The following CFAP95 variants were observed in gnomAD, a reference collection of about 807,000 sequenced individuals.
The protein encoded by CFAP95 is cilia- and flagella-associated protein 95.
the CFAP95 span, among the ~76,000 whole-genome samples, chr9:69,880,988 C>G: frequency 6.6e-6 from 1 of 152,056 alleles, no homozygotes; most frequent in East Asian, 1.9e-4. Context: ...AAATCTTTGG[C>G]CCATTTTTTG....
chr9:69,881,990 CTT>C, the CFAP95 span, among the ~76,000 whole-genome samples: 480 of 143,896 alleles, frequency 3.3e-3, 5 homozygotes, highest in African/African-American at 0.011. Flanking sequence ...ATAGAAATGC[CTT>C]TTTTTTTTTT....
At chr9:69,868,850 G>C in the CFAP95 span, among the ~76,000 whole-genome samples, 1 of 148,920 alleles carries the variant, frequency 6.7e-6, no homozygotes, top group Non-Finnish European at 1.5e-5. Flanking sequence ...ACTTAAATAG[G>C]CATTTTTCCA....
chr9:69,897,945 C>T, the CFAP95 span, among the ~76,000 whole-genome samples: 2 of 152,148 alleles, frequency 1.3e-5, no homozygotes, highest in African/African-American at 4.8e-5. Context: ...AAGAAGAATG[C>T]TTTCTTAACC....
the CFAP95 span, among the ~76,000 whole-genome samples, chr9:69,821,323 T>A: frequency 1.3e-5 from 2 of 151,114 alleles, no homozygotes; most frequent in Admixed American, 1.3e-4. Flanking sequence ...GGAGAGAGGG[T>A]TGGAGCAGAG....
chr9:69,883,128 G>T, the CFAP95 span, among the ~76,000 whole-genome samples: 4 of 152,082 alleles, frequency 2.6e-5, no homozygotes, highest in Non-Finnish European at 5.9e-5. Context: ...CTTGTTATTG[G>T]TGTAAGAGTT....
the CFAP95 span, among the ~76,000 whole-genome samples, chr9:69,901,758 C>G: frequency 6.6e-6 from 1 of 152,134 alleles, no homozygotes; most frequent in Non-Finnish European, 1.5e-5. Context: ...CCTGAGGAAT[C>G]GCCACACTGA....
the CFAP95 span, among the ~76,000 whole-genome samples, chr9:69,861,871 A>G: frequency 2.6e-5 from 4 of 151,586 alleles, no homozygotes; most frequent in Non-Finnish European, 4.4e-5. Context: ...GATGTTATCA[A>G]GTCTCACCTG....
chr9:69,881,373 T>A, the CFAP95 span, among the ~76,000 whole-genome samples: 1 of 152,232 alleles, frequency 6.6e-6, no homozygotes, highest in African/African-American at 2.4e-5. Flanking sequence ...AGTTTCATTT[T>A]CTGCATATGG....
At chr9:69,823,142 G>A in the CFAP95 span, among the ~76,000 whole-genome samples, 1 of 152,196 alleles carries the variant, frequency 6.6e-6, no homozygotes, top group African/African-American at 2.4e-5. Context: ...CATGGTGGAA[G>A]GCAAAGGCAA....
chr9:69,877,109 G>A, the CFAP95 span, among the ~76,000 whole-genome samples: 2 of 151,988 alleles, frequency 1.3e-5, no homozygotes, highest in African/African-American at 4.8e-5. Flanking sequence ...ACATATATAC[G>A]TAATATACAT....
the CFAP95 span, among the ~76,000 whole-genome samples, chr9:69,822,585 C>A: frequency 4.6e-5 from 7 of 152,296 alleles, no homozygotes; most frequent in South Asian, 1.5e-3. Context: ...TGAGTCATAC[C>A]ATAAATCACC....
At chr9:69,851,511 G>A in the CFAP95 span, among the ~76,000 whole-genome samples, 2 of 152,116 alleles carry the variant, frequency 1.3e-5, no homozygotes, top group East Asian at 1.9e-4. Flanking sequence ...GGTAGGCCGA[G>A]TTGGATAATT....
At chr9:69,829,314 C>G in the CFAP95 span, among the ~76,000 whole-genome samples, 1 of 152,142 alleles carries the variant, frequency 6.6e-6, no homozygotes, top group East Asian at 1.9e-4. Flanking sequence ...GTGCTGTTTT[C>G]TTTTATGAAA....
the CFAP95 span, among the ~76,000 whole-genome samples, chr9:69,865,645 C>T: frequency 9.9e-5 from 15 of 152,266 alleles, no homozygotes; most frequent in African/African-American, 2.9e-4. Flanking sequence ...TGTCCTGCTC[C>T]AGTTTGCAAG....
At chr9:69,850,741 A>G in the CFAP95 span, among the ~76,000 whole-genome samples, 1 of 152,196 alleles carries the variant, frequency 6.6e-6, no homozygotes, top group African/African-American at 2.4e-5. Context: ...GTTTGGGGAT[A>G]GTAGGCTGTT....
At chr9:69,843,804 C>A in the CFAP95 span, among the ~76,000 whole-genome samples, 5 of 150,992 alleles carry the variant, frequency 3.3e-5, no homozygotes, top group Non-Finnish European at 7.4e-5. Context: ...CCAAGCCCAA[C>A]TGATTTTTGT....
the CFAP95 span, among the ~76,000 whole-genome samples, chr9:69,890,072 C>A: frequency 6.6e-6 from 1 of 151,964 alleles, no homozygotes; most frequent in Non-Finnish European, 1.5e-5. Context: ...AGAAAAACCA[C>A]AAGGAAAGAA....
the CFAP95 span, among the ~76,000 whole-genome samples, chr9:69,896,653 T>G: frequency 1.3e-5 from 2 of 152,320 alleles, no homozygotes; most frequent in East Asian, 3.9e-4. Flanking sequence ...TCCCACTAGT[T>G]ACATATTTGT....
chr9:69,875,351 T>C, the CFAP95 span, among the ~76,000 whole-genome samples: 1 of 152,228 alleles, frequency 6.6e-6, no homozygotes, highest in South Asian at 2.1e-4. Flanking sequence ...CTGAATGTTT[T>C]AATCTTTCAC....
Sources: gnomAD v4.1 joint callset for allele counts (sites outside exome capture counted in the v4.1 genomes callset) on GRCh38, gnomAD v4.1.1 for gene constraint, MANE v1.5 for transcripts, NCBI Gene and HGNC (gene_info 2026-07-23, HGNC 2026-07-21) for gene names.